PLB1: variants seen among roughly 807,000 people sequenced by gnomAD.
PLB1 encodes the protein phospholipase B1.
Under a neutral mutation model 227.4 loss-of-function variants are expected in PLB1, and 242 were observed. That is an observed-to-expected ratio of 1.06 (90% CI 0.96 to 1.18). The LOEUF is 1.18. Among genes scored for constraint, PLB1 ranks in the 50% most tolerant of loss-of-function variants. The pLI is 0.00. For missense variants in PLB1, 1,858 were observed against 1,816.3 expected (o/e 1.02, Z -0.42); for synonymous variants, 757 against 682.2 (o/e 1.11, Z -1.71).
At chr2:28,601,466 ATAC>A in intron 37 of PLB1, 134 bp downstream of exon 37, 2 of 638,952 alleles carry the variant, frequency 3.1e-6, no homozygotes, top group South Asian at 1.7e-5. Context: ...ACATATACAC[ATAC>A]CACACACACA....
rs369918074 is a variant in PLB1, at chr2:28,528,910, C to T, written c.326-407C>T. Reference sequence around the variant, plus strand: ...TGCCTTGGAATAGGGGCGGCGACCCCGGCAGCTCACCCTAGAGGAAGGGAG... The same window carrying T: ...TGCCTTGGAATAGGGGCGGCGACCCTGGCAGCTCACCCTAGAGGAAGGGAG... On this transcript the variant is annotated intron_variant, in intron 6 of 57. Transcript: ENST00000327757. 2.1e-4 allele frequency among the ~76,000 whole-genome samples: 32 copies of T among 150,308 alleles called. No individual in the cohort carries two copies. In the South Asian group the frequency reaches 4.4e-3, roughly 21 times the overall value.
At chr2:28,598,405 T>C (rs1683320905) in intron 34 of PLB1, among the ~76,000 whole-genome samples, 1 of 152,222 alleles carries the variant, frequency 6.6e-6, no homozygotes, top group South Asian at 2.1e-4. Context: ...GCACTGTGAA[T>C]TGTATTAATA....
chr2:28,571,383 A>C (rs1234443192), intron 20 of PLB1, among the ~76,000 whole-genome samples: 2 of 152,172 alleles, frequency 1.3e-5, no homozygotes, highest in Non-Finnish European at 2.9e-5. Flanking sequence ...TCCCCACATC[A>C]ATCTACGGAT....
chr2:28,562,540 C>T (rs1411060824), intron 17 of PLB1, among the ~76,000 whole-genome samples: 1 of 42,606 alleles, frequency 2.3e-5, no homozygotes, highest in Admixed American at 3.5e-4. Context: ...GACTCTGTCT[C>T]AAAAAAAAAA....
chr2:28,629,247 C>A, intron 53 of PLB1, 62 bp downstream of exon 53: 1 of 1,505,092 alleles, frequency 6.6e-7, no homozygotes. Flanking sequence ...CTTGCAGGTG[C>A]CAAAGGAGGA....
chr2:28,522,739 G>A (rs962621443), intron 4 of PLB1, among the ~76,000 whole-genome samples: 15 of 152,160 alleles, frequency 9.9e-5, no homozygotes, highest in African/African-American at 3.1e-4. Flanking sequence ...TCAGGAACAC[G>A]ACTCCATCAG....
intron 1 of PLB1, among the ~76,000 whole-genome samples, chr2:28,513,215 T>C (rs1668475013): frequency 6.6e-6 from 1 of 152,276 alleles, no homozygotes; most frequent in African/African-American, 2.4e-5. Flanking sequence ...TTTCATGCTC[T>C]GGCTGGTAGT....
At chr2:28,496,377 C>T (rs971038295) in intron 1 of PLB1, among the ~76,000 whole-genome samples, 3 of 152,032 alleles carry the variant, frequency 2.0e-5, no homozygotes, top group African/African-American at 4.8e-5. Flanking sequence ...CAAAGGCTGC[C>T]GGGAGCGAGG....
At chr2:28,621,798 T>G (rs888785325) in intron 49 of PLB1, among the ~76,000 whole-genome samples, 4 of 152,178 alleles carry the variant, frequency 2.6e-5, no homozygotes, top group African/African-American at 9.7e-5. Flanking sequence ...GAAGAAATTA[T>G]TTTTCTGCAA....
Position 28,529,418 on chromosome 2 carries a change from T to C in PLB1, c.416+11T>C. ...CCACGATGGTGCTGAGTAAGTTCCC[T>C]TTCTGTCTCTCTCTGAGGTTATGTG... On this transcript the variant is annotated intron_variant, in intron 7 of 57. Transcript: ENST00000327757. The C allele has an allele frequency of 6.4e-7, 1 of 1,571,462 alleles. No homozygotes were observed. Among genetic ancestry groups the C allele is most frequent in the South Asian group, 1.1e-5 (1 of 90,116 alleles).
At chr2:28,505,018 A>G (rs116516090) in intron 1 of PLB1, among the ~76,000 whole-genome samples, 1 of 152,156 alleles carries the variant, frequency 6.6e-6, no homozygotes, top group Non-Finnish European at 1.5e-5. Flanking sequence ...GGCACTGGGG[A>G]TGTTATCACA....
intron 55 of PLB1, among the ~76,000 whole-genome samples, chr2:28,632,726 A>C (rs1481739371): frequency 1.3e-5 from 2 of 152,164 alleles, no homozygotes; most frequent in East Asian, 1.9e-4. Flanking sequence ...ACTGCACTCC[A>C]GCCTGGCTGA....
rs1328703152 is a variant in PLB1, at chr2:28,625,088, G to A, written c.3559G>A (p.Glu1187Lys). ...DMPAQAWDLV[E>K]RMKNSPDINL... is the part of the protein sequence containing the mutation. ...GCCAGCCCAGGCCTGGGACCTGGTA[G>A]AGCGAATGAAAAACAGCCCCGTGAG... The change falls in exon 50 of 58, where the codon GAG becomes AAG. Residue 1187 changes from glutamate (E) to lysine (K), a missense_variant. Coordinates refer to ENST00000327757, the MANE Select transcript of PLB1 (RefSeq NM_153021.5). 1 of 1,613,434 alleles carries A rather than the reference G, an allele frequency of 6.2e-7. No homozygotes were observed. The highest frequency in any genetic ancestry group is 1.3e-5 in the African/African-American group (1 of 74,906).
rs529335125 is a variant in PLB1, at chr2:28,562,225, T to G, written c.1148-816T>G. ...ACTGTTCACCTTTAAATGGTTAATT[T>G]TAGTTATATGAATTTCATCTCAATT... On this transcript the variant is annotated intron_variant, in intron 17 of 57. Transcript: ENST00000327757. 1.6e-3 allele frequency among the ~76,000 whole-genome samples: 251 copies of G among 152,168 alleles called. 1 individual carries two copies. Among genetic ancestry groups the G allele is most frequent in the Non-Finnish European group, 2.8e-3 (192 of 67,988 alleles).
chr2:28,591,905 A>T (rs1682020121), intron 31 of PLB1, 145 bp downstream of exon 31: 11 of 801,580 alleles, frequency 1.4e-5, no homozygotes, highest in Non-Finnish European at 1.8e-5. Flanking sequence ...ACCTGGGATG[A>T]GTCCCTGTTT....
intron 28 of PLB1, 105 bp from the exon 29 acceptor site, chr2:28,589,900 C>T: frequency 1.5e-6 from 2 of 1,347,448 alleles, no homozygotes; most frequent in East Asian, 2.3e-5. Context: ...AAACAAACCC[C>T]ATCTCCTTCA....
chr2:28,601,878 C>G, intron 37 of PLB1, 21 bp from the exon 38 acceptor site: 8 of 1,585,820 alleles, frequency 5.0e-6, no homozygotes, highest in Non-Finnish European at 6.9e-6. Context: ...CCTCCTTTTC[C>G]TCCTTCCTGT....
chr2:28,589,278 G>A lies in PLB1; in HGVS notation c.1816-172G>A, dbSNP rs547497134. Among the ~76,000 whole-genome samples the A allele has an allele frequency of 7.9e-5, 12 of 152,258 alleles. No individual in the cohort carries two copies. In the South Asian group the frequency reaches 2.5e-3, roughly 32 times the overall value. ...GGGGCCAGGGGTTGAGATAAAGGCT[G>A]ATCTAAAATGTAAATGATCTAAAAT... is the stretch of plus-strand genomic sequence containing the variant. On this transcript the variant is annotated intron_variant, in intron 26 of 57. Coordinates refer to ENST00000327757, the MANE Select transcript of PLB1 (RefSeq NM_153021.5).
At chr2:28,634,072 C>T (rs1416989801) in intron 56 of PLB1, among the ~76,000 whole-genome samples, 1 of 152,176 alleles carries the variant, frequency 6.6e-6, no homozygotes, top group Non-Finnish European at 1.5e-5. Context: ...CTAGCAACCT[C>T]TTCTTTTAAG....
Sources: allele counts gnomAD v4.1 joint callset (sites outside exome capture counted in the v4.1 genomes callset), GRCh38; gene constraint gnomAD v4.1.1; transcripts MANE v1.5; gene names NCBI Gene and HGNC (gene_info 2026-07-23, HGNC 2026-07-21).